Variants in RALYL observed in about 807,000 individuals in gnomAD.
The protein encoded by RALYL is RNA-binding Raly-like protein.
RALYL carries 29 observed loss-of-function variants against 35.1 expected under a neutral mutation model. That is an observed-to-expected ratio of 0.83 (90% CI 0.61 to 1.13). RALYL has a LOEUF of 1.13. RALYL is among the 50% of genes most tolerant of loss of function. The pLI is 0.00. For synonymous variants in RALYL, 120 were observed against 127.6 expected (o/e 0.94, Z 0.40); for missense variants, 359 against 360.4 (o/e 1.00, Z 0.03).
intron 1 of RALYL, among the ~76,000 whole-genome samples, chr8:84,282,749 T>TGTGTGTGTGTATGC (rs1454987546): frequency 2.5e-3 from 2 of 802 alleles, no homozygotes; most frequent in African/African-American, 3.0e-3. Flanking sequence ...TGTGTATGCG[T>TGTGTGTGTGTATGC]GTGTGTGTGT....
At position 84,588,997 on chromosome 8, in the gene RALYL, T is replaced by C. The variant is rs193024955; in HGVS notation, c.256+59420T>C. The stretch of plus-strand genomic sequence containing the variant: ...ACTGCAACCTCCGCCTCCTGGGTTC[T>C]AGCGATTCTCCTGCCTCAGCCTCCC... On this transcript the variant is annotated intron_variant, in intron 2 of 8. Coordinates refer to ENST00000521268, the MANE Select transcript of RALYL (RefSeq NM_173848.7). 5.7e-3 allele frequency among the ~76,000 whole-genome samples: 864 copies of C among 152,180 alleles called. 8 individuals are homozygous for C. The highest frequency in any genetic ancestry group is 0.018 in the African/African-American group (765 of 41,522).
intron 1 of RALYL, among the ~76,000 whole-genome samples, chr8:84,302,509 C>A (rs1261974076): frequency 1.3e-5 from 2 of 152,064 alleles, no homozygotes; most frequent in Non-Finnish European, 1.5e-5. Flanking sequence ...AGTGCTTATC[C>A]CCAAGAGAGT....
intron 2 of RALYL, among the ~76,000 whole-genome samples, chr8:84,716,643 C>T (rs565265861): frequency 1.1e-3 from 170 of 152,168 alleles, no homozygotes; most frequent in Middle Eastern, 3.4e-3. Flanking sequence ...TCCAAACTCT[C>T]CTAAAGAAGC....
At chr8:84,625,743 A>T (rs1488709) in intron 2 of RALYL, among the ~76,000 whole-genome samples, 43,763 of 151,756 alleles carry the variant, frequency 0.29, 6,931 homozygotes, top group African/African-American at 0.42. Context: ...TACACCATAC[A>T]AGCTCTCAGG....
chr8:84,450,558 T>TTTTA (rs2049353344), intron 1 of RALYL, among the ~76,000 whole-genome samples: 1 of 152,006 alleles, frequency 6.6e-6, no homozygotes, highest in Non-Finnish European at 1.5e-5. Context: ...CACAAACTAG[T>TTTTA]ATTTTAATTT....
chr8:84,839,510 C>T (rs996349250), intron 4 of RALYL, among the ~76,000 whole-genome samples: 1 of 152,234 alleles, frequency 6.6e-6, no homozygotes, highest in Non-Finnish European at 1.5e-5. Flanking sequence ...CTCAAGGAGG[C>T]CTGCCTGCCT....
intron 2 of RALYL, among the ~76,000 whole-genome samples, chr8:84,546,310 G>C (rs1294244951): frequency 6.6e-6 from 1 of 152,042 alleles, no homozygotes; most frequent in Non-Finnish European, 1.5e-5. Context: ...AGTAGAGGTA[G>C]GGTTTTGCTA....
At chr8:84,391,398 A>G (rs1260377978) in intron 1 of RALYL, among the ~76,000 whole-genome samples, 1 of 152,030 alleles carries the variant, frequency 6.6e-6, no homozygotes, top group Non-Finnish European at 1.5e-5. Context: ...GCACTCATTT[A>G]CATCTAAAGA....
intron 1 of RALYL, among the ~76,000 whole-genome samples, chr8:84,373,140 C>T (rs1325199587): frequency 5.3e-5 from 8 of 150,720 alleles, no homozygotes; most frequent in Admixed American, 2.7e-4. Context: ...GGATATTAGA[C>T]CTTTGTCAGA....
chr8:84,743,686 G>T (rs1233762210), intron 2 of RALYL, among the ~76,000 whole-genome samples: 1 of 151,918 alleles, frequency 6.6e-6, no homozygotes, highest in Non-Finnish European at 1.5e-5. Context: ...AAAGGCACAA[G>T]ACAATGTCTA....
chr8:84,405,580 C>A (rs911508241), intron 1 of RALYL, among the ~76,000 whole-genome samples: 1 of 152,082 alleles, frequency 6.6e-6, no homozygotes. Context: ...ACTGTAAACA[C>A]CTCTATGCAA....
At chr8:84,808,722 C>T (rs1825239604) in intron 4 of RALYL, among the ~76,000 whole-genome samples, 1 of 152,060 alleles carries the variant, frequency 6.6e-6, no homozygotes. Context: ...TCTTTTGACT[C>T]CTTGGTTAGG....
rs183284618 is a variant in RALYL at position 84,695,084 on chromosome 8, C to T, written c.257-79495C>T. Among the ~76,000 whole-genome samples the T allele has an allele frequency of 1.6e-3, 236 of 151,676 alleles. 4 individuals are homozygous for T. Among genetic ancestry groups the T allele is most frequent in the Admixed American group, 0.014 (208 of 15,194 alleles). On this transcript the variant is annotated intron_variant, in intron 2 of 8. Coordinates refer to ENST00000521268, the MANE Select transcript of RALYL (RefSeq NM_173848.7). ...AAGAATTAGGATTAACCAGAAATGC[C>T]TTGATTTGGTATTTTTATTATAAAA...
At chr8:84,749,004 G>A in intron 2 of RALYL, among the ~76,000 whole-genome samples, 1 of 152,008 alleles carries the variant, frequency 6.6e-6, no homozygotes, top group East Asian at 1.9e-4. Context: ...TCTGAAAAGA[G>A]AATTTTCTGT....
intron 1 of RALYL, among the ~76,000 whole-genome samples, chr8:84,374,141 T>C (rs1452008738): frequency 6.6e-6 from 1 of 152,046 alleles, no homozygotes; most frequent in Non-Finnish European, 1.5e-5. Context: ...TATAGGAACA[T>C]GTCATCTGCA....
rs1450794060 is a variant in RALYL at position 84,691,227 on chromosome 8, T to TAG, written c.257-83352_257-83351insAG. Reference sequence around the variant, plus strand: ...TGGGATCTAGAAATGATAAATGGGCTTGTGATGAACTCTCCTGAAGGAAAG... The same window carrying TAG: ...TGGGATCTAGAAATGATAAATGGGCTAGTGTGATGAACTCTCCTGAAGGAAAG... On this transcript the variant is annotated intron_variant, in intron 2 of 8. Coordinates refer to ENST00000521268, the MANE Select transcript of RALYL (RefSeq NM_173848.7). 3.8e-3 allele frequency among the ~76,000 whole-genome samples: 574 copies of TAG among 152,204 alleles called. 5 individuals carry two copies. The highest frequency in any genetic ancestry group is 0.013 in the African/African-American group (544 of 41,556).
At chr8:84,537,296 C>G (rs908540289) in intron 2 of RALYL, among the ~76,000 whole-genome samples, 1 of 151,668 alleles carries the variant, frequency 6.6e-6, no homozygotes, top group African/African-American at 2.4e-5. Flanking sequence ...ATGGCAAAAC[C>G]CCATCTCTGC....
chr8:84,638,311 G>A (rs1266953545), intron 2 of RALYL, among the ~76,000 whole-genome samples: 19 of 151,882 alleles, frequency 1.3e-4, no homozygotes, highest in Admixed American at 1.2e-3. Flanking sequence ...CAGCAAGTGT[G>A]GTGCTAAGAG....
In RALYL at chr8:84,429,717, G is replaced by A. The variant is rs1173130746; in HGVS notation, c.-23-99582G>A. On this transcript the variant is annotated intron_variant, in intron 1 of 8. Coordinates refer to ENST00000521268, the MANE Select transcript of RALYL (RefSeq NM_173848.7). ...AAATTATTTTGATGTGCTAGAAGAGGCTTGGGAATTGGAGGTGGTGTCTGG... is the reference window on the plus strand; with the variant it reads ...AAATTATTTTGATGTGCTAGAAGAGACTTGGGAATTGGAGGTGGTGTCTGG... Among the ~76,000 whole-genome samples, 7 of 152,096 alleles carry A rather than the reference G, an allele frequency of 4.6e-5. No individual in the cohort carries two copies. In the East Asian group the frequency reaches 7.7e-4, roughly 17 times the overall value.
Sources: gnomAD v4.1 joint callset for allele counts (sites outside exome capture counted in the v4.1 genomes callset) on GRCh38, gnomAD v4.1.1 for gene constraint, MANE v1.5 for transcripts, NCBI Gene and HGNC (gene_info 2026-07-23, HGNC 2026-07-21) for gene names.